Variants in CHRND observed in about 807,000 individuals in gnomAD.
CHRND encodes acetylcholine receptor subunit delta.
A neutral mutation model predicts 57.8 loss-of-function variants in CHRND; 40 were observed. The observed-to-expected ratio is 0.69, with a 90% CI of 0.54 to 0.90. CHRND has a LOEUF of 0.90. CHRND is among the 40% of genes least tolerant of loss of function. CHRND has a pLI of 0.00. For synonymous variants in CHRND, 237 were observed against 270.6 expected, an observed-to-expected ratio of 0.88 and a Z score of 1.22; for missense variants, 634 against 673.9, an observed-to-expected ratio of 0.94 and a Z score of 0.66.
intron 6 of CHRND, 44 bp from the exon 7 acceptor site, chr2:232,529,895 C>A: frequency 6.2e-7 from 1 of 1,604,002 alleles, no homozygotes; most frequent in South Asian, 1.1e-5. Flanking sequence ...TGCCTAGCCC[C>A]CTTGGCCTGG....
intron 2 of CHRND, 92 bp downstream of exon 2, chr2:232,526,766 T>C: frequency 7.5e-7 from 1 of 1,334,840 alleles, no homozygotes; most frequent in Non-Finnish European, 1.1e-6. Context: ...AGCCCCCACC[T>C]GGCCTATGGC....
At chr2:232,529,789 C>T in intron 6 of CHRND, 150 bp from the exon 7 acceptor site, 1 of 703,494 alleles carries the variant, frequency 1.4e-6, no homozygotes, top group Non-Finnish European at 2.3e-6. Context: ...CCCGACCCCC[C>T]AGGGAACGAC....
intron 9 of CHRND, among the ~76,000 whole-genome samples, chr2:232,531,946 C>CAAAAAAAAAAAAAA (rs778006115): frequency 1.7e-4 from 8 of 46,066 alleles, no homozygotes; most frequent in African/African-American, 1.0e-3. Context: ...GACCTTGTCT[C>CAAAAAAAAAAAAAA]AAAAAAAAAA....
In CHRND at chr2:232,531,424, G is replaced by A. The variant is rs139722128; in HGVS notation, c.893G>A (p.Arg298His). Residue 298 changes from arginine (R) to histidine (H), a missense_variant, in exon 8 of 12, where the codon CGT becomes CAT. Arg to His is a conservative substitution (Grantham distance 29, BLOSUM62 0). Transcript: ENST00000258385. ...GTCTTCCTGCTGCTCATCTCCAAGC[G>A]TCTGCCTGCCACATCCATGGCCATC... is the stretch of plus-strand genomic sequence containing the variant. ...QSVFLLLISK[R>H]LPATSMAIPL... 1.2e-4 allele frequency: 200 copies of A among 1,613,928 alleles called. 2 individuals are homozygous for A. In the South Asian group the frequency reaches 1.6e-3, roughly 13 times the overall value.
At chr2:232,533,795 T>G in intron 9 of CHRND, 136 bp from the exon 10 acceptor site, 2 of 889,992 alleles carry the variant, frequency 2.2e-6, no homozygotes, top group East Asian at 2.4e-5. Flanking sequence ...AGAAATCACT[T>G]GAACCCGAGA....
Position 232,526,639 on chromosome 2 carries a change from G to C in CHRND, c.163G>C (p.Ala55Pro). ...ACACAAAGAGGAGAGTGTGGACGTT[G>C]CCCTGGCCCTCACACTCTCCAACCT... ...VAHKEESVDVALALTLSNLIS... is the reference protein window; with the variant it reads ...VAHKEESVDVPLALTLSNLIS... Residue 55 changes from alanine to proline, a missense_variant, in exon 2 of 12, where the codon GCC becomes CCC. Physicochemically the swap from Ala to Pro is conservative, Grantham distance 27. Coordinates refer to ENST00000258385, the MANE Select transcript of CHRND (RefSeq NM_000751.3). 2 of 1,613,660 alleles carry C rather than the reference G, an allele frequency of 1.2e-6. No individual in the cohort carries two copies. Among genetic ancestry groups the C allele is most frequent in the Non-Finnish European group, 1.7e-6 (2 of 1,180,004 alleles).
chr2:232,536,122 G>T lies in CHRND; in HGVS notation c.*810G>T. Reference sequence around the variant, plus strand: ...ATCTAGCAACCCTATCCCAAAGGCAGCCTCCACTCAATCTTATCCTGAGGG... The same window carrying T: ...ATCTAGCAACCCTATCCCAAAGGCATCCTCCACTCAATCTTATCCTGAGGG... On this transcript the variant is annotated 3_prime_UTR_variant, in exon 12 of 12. Transcript: ENST00000258385. 1 of 454,152 alleles carries T rather than the reference G, an allele frequency of 2.2e-6. No homozygotes were observed. Among genetic ancestry groups the T allele is most frequent in the South Asian group, 1.6e-5 (1 of 64,476 alleles). The allele number at this position is 454,152 out of a possible 1,614,324, so 28.1% of individuals were successfully genotyped here.
rs1451753383 is a variant in CHRND at position 232,526,619 on chromosome 2, AAG to A, written c.146_147del (p.Glu49GlyfsTer21). On this transcript the variant is annotated frameshift_variant, in exon 2 of 12. Coordinates refer to ENST00000258385, the MANE Select transcript of CHRND (RefSeq NM_000751.3). LOFTEE classifies it high-confidence loss of function. ...AAGGAGCTCCGGCCCGTGGCACACAAAGAGGAGAGTGTGGACGTTGCCCTGGC... is the reference window on the plus strand; with the variant it reads ...AAGGAGCTCCGGCCCGTGGCACACAAAGGAGAGTGTGGACGTTGCCCTGGC... 6.2e-7 allele frequency: 1 copy of A among 1,613,780 alleles called. No individual in the cohort carries two copies. The highest frequency in any genetic ancestry group is 1.3e-5 in the African/African-American group (1 of 75,050).
Position 232,530,086 on chromosome 2 carries a change from C to T in CHRND, c.767C>T (p.Pro256Leu). 2 of 1,614,194 alleles carry T rather than the reference C, an allele frequency of 1.2e-6. No individual in the cohort carries two copies. The highest frequency in any genetic ancestry group is 1.7e-6 in the Non-Finnish European group (2 of 1,180,030). ...PLFYIINILV[P>L]CVLISFMVNL... is the part of the protein sequence containing the mutation. ...TTCTACATCATCAACATCCTGGTGC[C>T]CTGCGTGCTCATCTCCTTCATGGTC... The change falls in exon 7 of 12, where the codon CCC becomes CTC. Residue 256 changes from proline (P) to leucine (L), a missense_variant. Transcript: ENST00000258385.
In CHRND at chr2:232,526,635, C is replaced by T. The variant is rs370725931; in HGVS notation, c.159C>T (p.Asp53=). 47 of 1,613,502 alleles carry T rather than the reference C, an allele frequency of 2.9e-5. No homozygotes were observed. In the Middle Eastern group the frequency reaches 8.2e-4, roughly 28 times the overall value. Residue 53 remains aspartate (D), a synonymous_variant, in exon 2 of 12, where the codon GAC becomes GAT. Transcript: ENST00000258385. ...RPVAHKEESV[D]VALALTLSNL... is the part of the protein sequence containing the mutation. ...TGGCACACAAAGAGGAGAGTGTGGA[C>T]GTTGCCCTGGCCCTCACACTCTCCA... is the stretch of plus-strand genomic sequence containing the variant.
rs552276001 is a variant in CHRND, at chr2:232,535,571, G to A, written c.*259G>A. On this transcript the variant is annotated 3_prime_UTR_variant, in exon 12 of 12. Transcript: ENST00000258385. The stretch of plus-strand genomic sequence containing the variant: ...GGGGAGGCCCGAGGCTGGCTCAGGG[G>A]CCAGGGAGGAGGCCACTCAGGGTGG... 1.5e-5 allele frequency: 10 copies of A among 648,190 alleles called. No individual in the cohort carries two copies. In the East Asian group the frequency reaches 3.1e-4, roughly 20 times the overall value. 40.2% of individuals were successfully genotyped at this position (648,190 alleles called of 1,614,324 possible).
At chr2:232,530,281 G>T in intron 7 of CHRND, 142 bp downstream of exon 7, 1 of 873,620 alleles carries the variant, frequency 1.1e-6, no homozygotes, top group Non-Finnish European at 1.8e-6. Context: ...CCAGGTGTGA[G>T]GGCCAGGTGG....
In CHRND at chr2:232,527,389, G is replaced by A. The variant is rs937840228; in HGVS notation, c.199-12G>A. On this transcript the variant is annotated splice_polypyrimidine_tract_variant and intron_variant, in intron 2 of 11. Coordinates refer to ENST00000258385, the MANE Select transcript of CHRND (RefSeq NM_000751.3). The stretch of plus-strand genomic sequence containing the variant: ...TATGGCCCTGAAGGATGGCCCTACC[G>A]TCTAATTACAGAAAGAAGTTGAGGA... 44 of 1,608,194 alleles carry A rather than the reference G, an allele frequency of 2.7e-5. No individual in the cohort carries two copies. Among genetic ancestry groups the A allele is most frequent in the Middle Eastern group, 3.3e-4 (2 of 6,072 alleles).
Position 232,535,279 on chromosome 2 carries a change from C to T in CHRND, c.1521C>T (p.Tyr507=). The change falls in exon 12 of 12, where the codon TAC becomes TAT. Residue 507 remains tyrosine, a synonymous_variant. Transcript: ENST00000258385. ...CCCAGCCTTTTCCTGGGGACCCCTA[C>T]TCCTACAACGTGCAGGACAAGCGCT... ...PPPQPFPGDP[Y]SYNVQDKRFI The T allele has an allele frequency of 6.2e-7, 1 of 1,614,058 alleles. No homozygotes were observed. Among genetic ancestry groups the T allele is most frequent in the Non-Finnish European group, 8.5e-7 (1 of 1,180,036 alleles).
chr2:232,528,169 C>G, intron 3 of CHRND, 93 bp from the exon 4 acceptor site: 3 of 1,206,498 alleles, frequency 2.5e-6, no homozygotes, highest in Non-Finnish European at 3.7e-6. Flanking sequence ...TCACAGCTCT[C>G]AGACCCTGTT....
chr2:232,526,607 C>T lies in CHRND; in HGVS notation c.131C>T (p.Pro44Leu), dbSNP rs1179798517. Residue 44 changes from proline (P) to leucine (L), a missense_variant, in exon 2 of 12, where the codon CCC becomes CTC. Pro to Leu is a moderately conservative substitution (Grantham distance 98). Transcript: ENST00000258385. Reference protein sequence around the residue: ...QEKGYNKELRPVAHKEESVDV... With the variant: ...QEKGYNKELRLVAHKEESVDV... ...AAGGGCTACAACAAGGAGCTCCGGC[C>T]CGTGGCACACAAAGAGGAGAGTGTG... 6.2e-7 allele frequency: 1 copy of T among 1,613,698 alleles called. No individual in the cohort carries two copies. Among genetic ancestry groups the T allele is most frequent in the Non-Finnish European group, 8.5e-7 (1 of 1,180,018 alleles).
rs750664390 is a variant in CHRND at position 232,531,526 on chromosome 2, G to A, written c.933-16G>A. On this transcript the variant is annotated splice_polypyrimidine_tract_variant and intron_variant, in intron 8 of 11. Transcript: ENST00000258385. Reference sequence around the variant, plus strand: ...AGCCCAGCCCTGGGAGCTCCAAGCTGAGTGTTTGCCCACAGGTTCCTGCTC... The same window carrying A: ...AGCCCAGCCCTGGGAGCTCCAAGCTAAGTGTTTGCCCACAGGTTCCTGCTC... The A allele has an allele frequency of 1.2e-6, 2 of 1,614,044 alleles. No individual in the cohort carries two copies. Among genetic ancestry groups the A allele is most frequent in the Non-Finnish European group, 1.7e-6 (2 of 1,179,932 alleles).
intron 2 of CHRND, 85 bp from the exon 3 acceptor site, chr2:232,527,316 G>GAGAC: frequency 8.4e-7 from 1 of 1,191,360 alleles, no homozygotes; most frequent in Non-Finnish European, 1.2e-6. Context: ...AAAAAAGAGA[G>GAGAC]AGAGAGAGAG....
rs1484867517 is a variant in CHRND at position 232,536,053 on chromosome 2, A to AT, written c.*743dup. 2.2e-6 allele frequency: 1 copy of AT among 454,122 alleles called. No individual in the cohort carries two copies. The highest frequency in any genetic ancestry group is 4.4e-6 in the Non-Finnish European group (1 of 226,794). The allele number at this position is 454,122 out of a possible 1,614,324, so 28.1% of individuals were successfully genotyped here. ...TGGGGCATACATATTCTAAAAAATC[A>AT]TTCGTTGTTTCTCTGAAATTTGTCC... On this transcript the variant is annotated 3_prime_UTR_variant, in exon 12 of 12. Transcript: ENST00000258385.
Sources: gnomAD v4.1 joint callset for allele counts (sites outside exome capture counted in the v4.1 genomes callset) on GRCh38, gnomAD v4.1.1 for gene constraint, MANE v1.5 for transcripts, NCBI Gene and HGNC (gene_info 2026-07-23, HGNC 2026-07-21) for gene names.